The following FAM193A variants were observed in gnomAD, a reference collection of about 807,000 sequenced individuals.
FAM193A encodes protein FAM193A.
A neutral mutation model predicts 126.5 loss-of-function variants in FAM193A; 22 were observed. That is an observed-to-expected ratio of 0.17 (90% CI 0.12 to 0.25). The LOEUF (loss-of-function observed/expected upper bound fraction) is 0.25, where lower values mean the gene tolerates loss of function less well. FAM193A is among the 10% of genes least tolerant of loss of function. The pLI, the probability that FAM193A is intolerant of heterozygous loss-of-function variation, is 1.00. For synonymous variants in FAM193A, 761 were observed against 646.8 expected (o/e 1.18, Z -2.68); for missense variants, 1,675 against 1,672.8 (o/e 1.00, Z -0.02).
intron 5 of FAM193A, among the ~76,000 whole-genome samples, chr4:2,631,482 A>G (rs1743580589): frequency 6.6e-6 from 1 of 152,164 alleles, no homozygotes; most frequent in African/African-American, 2.4e-5. Flanking sequence ...GTGCCTTTAT[A>G]AGGAGACAGA....
intron 12 of FAM193A, among the ~76,000 whole-genome samples, chr4:2,666,909 T>C (rs1180998741): frequency 6.6e-6 from 1 of 152,242 alleles, no homozygotes; most frequent in Non-Finnish European, 1.5e-5. Context: ...GGCTAAAGAT[T>C]TGTCAATTTC....
intron 1 of FAM193A, 41 bp downstream of exon 1, chr4:2,537,211 G>GT: frequency 4.9e-6 from 1 of 202,616 alleles, no homozygotes; most frequent in Non-Finnish European, 1.0e-5. Context: ...GCGGTACGCG[G>GT]TTGCCGTTCC....
chr4:2,608,581 T>C (rs1466918673), intron 2 of FAM193A, among the ~76,000 whole-genome samples: 1 of 152,172 alleles, frequency 6.6e-6, no homozygotes, highest in African/African-American at 2.4e-5. Flanking sequence ...AATATGCCCA[T>C]GGGCTTTGCC....
intron 19 of FAM193A, among the ~76,000 whole-genome samples, chr4:2,707,782 G>A (rs1225339957): frequency 6.8e-6 from 1 of 146,876 alleles, no homozygotes; most frequent in Middle Eastern, 3.7e-3. Context: ...GCGCAATCTC[G>A]GCTCACTGCA....
At chr4:2,706,690 A>G (rs1309318971) in intron 19 of FAM193A, among the ~76,000 whole-genome samples, 2 of 150,590 alleles carry the variant, frequency 1.3e-5, no homozygotes, top group Non-Finnish European at 2.9e-5. Flanking sequence ...GCATTTAGTT[A>G]GTTATTTTTA....
At chr4:2,599,685 C>G (rs1354608744) in intron 2 of FAM193A, among the ~76,000 whole-genome samples, 1 of 152,100 alleles carries the variant, frequency 6.6e-6, no homozygotes, top group African/African-American at 2.4e-5. Flanking sequence ...TTCAAACTTT[C>G]ATCTTGATCA....
chr4:2,557,032 C>G (rs1738299071), intron 1 of FAM193A, among the ~76,000 whole-genome samples: 1 of 152,172 alleles, frequency 6.6e-6, no homozygotes, highest in South Asian at 2.1e-4. Context: ...TACTGGATGC[C>G]TGAAATTGCA....
At chr4:2,681,184 G>A (rs1442031545) in intron 13 of FAM193A, among the ~76,000 whole-genome samples, 1 of 151,338 alleles carries the variant, frequency 6.6e-6, no homozygotes, top group Non-Finnish European at 1.5e-5. Context: ...CAATAATAAT[G>A]TCCCCACTTT....
intron 1 of FAM193A, among the ~76,000 whole-genome samples, chr4:2,567,095 A>G (rs1224875828): frequency 6.6e-6 from 1 of 150,422 alleles, no homozygotes; most frequent in Non-Finnish European, 1.5e-5. Flanking sequence ...GCCCGCCACC[A>G]TGCCCGGCTC....
intron 2 of FAM193A, among the ~76,000 whole-genome samples, chr4:2,624,108 G>T (rs1315965252): frequency 6.6e-6 from 1 of 152,108 alleles, no homozygotes; most frequent in Non-Finnish European, 1.5e-5. Context: ...GGGTTGTGTT[G>T]TGTTCTCTAG....
At chr4:2,709,765 A>T (rs952443136) in intron 19 of FAM193A, among the ~76,000 whole-genome samples, 1 of 152,174 alleles carries the variant, frequency 6.6e-6, no homozygotes, top group African/African-American at 2.4e-5. Flanking sequence ...ATTTTCAGTG[A>T]TCTGGAACAA....
At chr4:2,623,961 A>ATC (rs1742719107) in intron 2 of FAM193A, among the ~76,000 whole-genome samples, 1 of 151,902 alleles carries the variant, frequency 6.6e-6, no homozygotes, top group African/African-American at 2.4e-5. Flanking sequence ...AGCACCCTGC[A>ATC]TCACCCTGTG....
intron 2 of FAM193A, among the ~76,000 whole-genome samples, chr4:2,597,648 T>G (rs1425827281): frequency 6.6e-6 from 1 of 152,164 alleles, no homozygotes; most frequent in Non-Finnish European, 1.5e-5. Context: ...ACAGTGACCT[T>G]GGGAACAGCA....
chr4:2,560,440 GCTGT>G (rs1257628741), intron 1 of FAM193A, among the ~76,000 whole-genome samples: 2 of 152,170 alleles, frequency 1.3e-5, no homozygotes, highest in African/African-American at 2.4e-5. Context: ...TCTAAACTGC[GCTGT>G]GGCCTGCTTG....
At chr4:2,655,989 G>C (rs1309327580) in intron 7 of FAM193A, among the ~76,000 whole-genome samples, 1 of 152,062 alleles carries the variant, frequency 6.6e-6, no homozygotes, top group African/African-American at 2.4e-5. Flanking sequence ...GTCTTGCCTT[G>C]TTACCTAGAC....
intron 6 of FAM193A, among the ~76,000 whole-genome samples, chr4:2,646,219 G>GAGT (rs1745130324): frequency 7.3e-6 from 1 of 136,526 alleles, no homozygotes; most frequent in African/African-American, 2.8e-5. Context: ...GCCCAGGCTG[G>GAGT]AGTGCAATGG....
rs551170912 is a variant in FAM193A at position 2,621,007 on chromosome 4, G to A, written c.502-4255G>A. 2.0e-5 allele frequency among the ~76,000 whole-genome samples: 3 copies of A among 152,200 alleles called. No homozygotes were observed. The South Asian group carries it at 6.2e-4, about 32-fold the overall frequency. On this transcript the variant is annotated intron_variant, in intron 2 of 20. Transcript: ENST00000637812. The stretch of plus-strand genomic sequence containing the variant: ...ACAAACTTGGAAGAGGCCCTGACAT[G>A]GAGGGGGTGTCATTATGCCCCACTG...
At chr4:2,717,535 G>A (rs993051200) in intron 20 of FAM193A, among the ~76,000 whole-genome samples, 1 of 150,808 alleles carries the variant, frequency 6.6e-6, no homozygotes, top group African/African-American at 2.4e-5. Flanking sequence ...GGCACAGGTT[G>A]CAGTGAGCCG....
At chr4:2,711,005 C>T (rs569755584) in intron 19 of FAM193A, among the ~76,000 whole-genome samples, 2 of 151,948 alleles carry the variant, frequency 1.3e-5, no homozygotes, top group Admixed American at 6.6e-5. Flanking sequence ...GCGCCCACCA[C>T]CTCGCCCGGC....
Sources: allele counts gnomAD v4.1 joint callset (sites outside exome capture counted in the v4.1 genomes callset), GRCh38; gene constraint gnomAD v4.1.1; transcripts MANE v1.5; gene names NCBI Gene and HGNC (gene_info 2026-07-23, HGNC 2026-07-21).